RBPMS: variants seen among roughly 807,000 people sequenced by gnomAD.
The protein encoded by RBPMS is RNA binding protein, mRNA processing factor, also known as RNA-binding protein with multiple splicing.
A neutral mutation model predicts 26.8 loss-of-function variants in RBPMS; 7 were observed. That is an observed-to-expected ratio of 0.26 (90% CI 0.15 to 0.49). The LOEUF (loss-of-function observed/expected upper bound fraction) is 0.49. Among genes scored for constraint, RBPMS ranks in the 20% least tolerant of loss-of-function variants. RBPMS has a pLI of 0.98. For synonymous variants in RBPMS, 96 were observed against 93.3 expected, an observed-to-expected ratio of 1.03 and a Z score of -0.17; for missense variants, 186 against 250.0, an observed-to-expected ratio of 0.74 and a Z score of 1.73.
At chr8:30,532,418 CTGT>C (rs1370877307) in intron 5 of RBPMS, among the ~76,000 whole-genome samples, 3 of 152,176 alleles carry the variant, frequency 2.0e-5, no homozygotes, top group African/African-American at 4.8e-5. Flanking sequence ...ACTAATGTTA[CTGT>C]TGTTTGACAC....
intron 6 of RBPMS, chr8:30,549,726 ATTTCTTTC>A (rs199860833): frequency 6.0e-6 from 3 of 496,168 alleles, no homozygotes; most frequent in South Asian, 2.6e-5. Context: ...CCTGGAGGCG[ATTTCTTTC>A]TTTCTTTCTT....
chr8:30,460,886 C>A (rs1815801463), intron 1 of RBPMS, among the ~76,000 whole-genome samples: 1 of 151,868 alleles, frequency 6.6e-6, no homozygotes, highest in African/African-American at 2.4e-5. Flanking sequence ...TATTTCTCTA[C>A]CAAAAACACA....
At chr8:30,498,475 A>G (rs984529427) in intron 4 of RBPMS, among the ~76,000 whole-genome samples, 1 of 152,236 alleles carries the variant, frequency 6.6e-6, no homozygotes, top group African/African-American at 2.4e-5. Flanking sequence ...GGAGACAACA[A>G]GGATGGGGAG....
chr8:30,412,416 C>G, intron 1 of RBPMS, among the ~76,000 whole-genome samples: 1 of 151,452 alleles, frequency 6.6e-6, no homozygotes, highest in South Asian at 2.1e-4. Flanking sequence ...GGAATGGGCT[C>G]AGGTTTCTTA....
intron 5 of RBPMS, among the ~76,000 whole-genome samples, chr8:30,526,711 C>T (rs1823628538): frequency 6.6e-6 from 1 of 152,060 alleles, no homozygotes; most frequent in African/African-American, 2.4e-5. Context: ...GAAATCATAA[C>T]TAATTTTACC....
At chr8:30,481,922 A>T (rs1334740567) in intron 4 of RBPMS, among the ~76,000 whole-genome samples, 1 of 152,236 alleles carries the variant, frequency 6.6e-6, no homozygotes, top group African/African-American at 2.4e-5. Context: ...TAGAGCTCCA[A>T]CTAGGAGGCA....
intron 8 of RBPMS, among the ~76,000 whole-genome samples, chr8:30,567,787 C>T (rs1296592831): frequency 6.6e-6 from 1 of 152,210 alleles, no homozygotes; most frequent in Non-Finnish European, 1.5e-5. Context: ...GATCAGGTTG[C>T]AAATGCCCCA....
chr8:30,514,865 A>G (rs1043359791), intron 5 of RBPMS, among the ~76,000 whole-genome samples: 1 of 151,736 alleles, frequency 6.6e-6, no homozygotes, highest in Non-Finnish European at 1.5e-5. Flanking sequence ...AAATGGGTCA[A>G]CATTTAGAAG....
At chr8:30,560,173 G>T (rs879877022) in intron 7 of RBPMS, among the ~76,000 whole-genome samples, 1 of 152,178 alleles carries the variant, frequency 6.6e-6, no homozygotes, top group Non-Finnish European at 1.5e-5. Flanking sequence ...TTGTGCACAG[G>T]TAAGTTGCCC....
intron 5 of RBPMS, among the ~76,000 whole-genome samples, chr8:30,534,130 A>T: frequency 6.8e-6 from 1 of 146,832 alleles, no homozygotes; most frequent in Admixed American, 6.7e-5. Context: ...GAGACTCTCA[A>T]AAAAAAAAAA....
intron 1 of RBPMS, among the ~76,000 whole-genome samples, chr8:30,424,567 G>A (rs1055038465): frequency 1.3e-5 from 2 of 152,150 alleles, no homozygotes; most frequent in African/African-American, 4.8e-5. Context: ...ACTCTGCTCC[G>A]TTTGGCTGGC....
At chr8:30,447,118 T>G (rs1650046878) in intron 1 of RBPMS, among the ~76,000 whole-genome samples, 1 of 152,164 alleles carries the variant, frequency 6.6e-6, no homozygotes, top group Non-Finnish European at 1.5e-5. Flanking sequence ...GTCCACACCA[T>G]AGGCCAGAAT....
At chr8:30,492,707 C>A (rs907695336) in intron 4 of RBPMS, among the ~76,000 whole-genome samples, 1 of 152,046 alleles carries the variant, frequency 6.6e-6, no homozygotes, top group East Asian at 1.9e-4. Flanking sequence ...GCACATAAAC[C>A]CCCCTACTTT....
intron 7 of RBPMS, chr8:30,565,602 G>C (rs1240884451): frequency 1.3e-5 from 2 of 152,238 alleles, no homozygotes; most frequent in Non-Finnish European, 2.9e-5. Context: ...TTCTTTGCTA[G>C]GTCTTTGCAC....
At chr8:30,479,569 C>T (rs1818061350) in intron 4 of RBPMS, among the ~76,000 whole-genome samples, 192 bp downstream of exon 4, 1 of 152,168 alleles carries the variant, frequency 6.6e-6, no homozygotes, top group Non-Finnish European at 1.5e-5. Flanking sequence ...TATTAAATAG[C>T]ACTCTGCTTT....
At chr8:30,423,729 C>CCATGTGA (rs1811059396) in intron 1 of RBPMS, among the ~76,000 whole-genome samples, 1 of 151,950 alleles carries the variant, frequency 6.6e-6, no homozygotes, top group Non-Finnish European at 1.5e-5. Context: ...CACATGGGTC[C>CCATGTGA]CTTGCCAAGA....
chr8:30,476,241 C>G (rs753278672), intron 2 of RBPMS, among the ~76,000 whole-genome samples: 14 of 152,118 alleles, frequency 9.2e-5, no homozygotes, highest in African/African-American at 1.4e-4. Flanking sequence ...AGTTTACACA[C>G]ATAAAAATTG....
chr8:30,506,776 G>A (rs1383151329), intron 5 of RBPMS, among the ~76,000 whole-genome samples: 1 of 152,140 alleles, frequency 6.6e-6, no homozygotes, highest in Non-Finnish European at 1.5e-5. Flanking sequence ...TATGGTAGTG[G>A]CTGAAAAGCA....
At chr8:30,513,094 G>C (rs935244640) in intron 5 of RBPMS, among the ~76,000 whole-genome samples, 3 of 152,008 alleles carry the variant, frequency 2.0e-5, no homozygotes, top group African/African-American at 7.2e-5. Context: ...GCTGGTGAGG[G>C]ATAGGAGTCT....
Sources: allele counts gnomAD v4.1 joint callset (sites outside exome capture counted in the v4.1 genomes callset), GRCh38; gene constraint gnomAD v4.1.1; transcripts MANE v1.5; gene names NCBI Gene and HGNC (gene_info 2026-07-23, HGNC 2026-07-21).